The following VASH2 variants were observed in gnomAD, a reference collection of about 807,000 sequenced individuals.
VASH2 encodes the protein tubulinyl-Tyr carboxypeptidase 2.
Under a neutral mutation model 37.2 loss-of-function variants are expected in VASH2, and 28 were observed. The ratio of observed to expected loss-of-function variants is 0.75; its 90% confidence interval spans 0.56 to 1.03. The LOEUF is 1.03. Ranked by LOEUF, VASH2 falls within the 50% of genes least tolerant of loss-of-function variation. The pLI is 0.00. For missense variants in VASH2, 419 were observed against 459.1 expected (o/e 0.91, Z 0.80); for synonymous variants, 188 against 174.7 (o/e 1.08, Z -0.60).
At position 212,972,918 on chromosome 1, in the gene VASH2, T is replaced by C. The variant is rs1381454131; in HGVS notation, c.836T>C (p.Ile279Thr). ...LNVSKMLRAD[I>T]RKELEKYARD... ...GTCTCAAAGATGCTGAGGGCTGACA[T>C]AAGGAAGGAGCTGGAGAAATATGCC... The change falls in exon 6 of 8, where the codon ATA becomes ACA. Residue 279 changes from isoleucine (I) to threonine (T), a missense_variant. Coordinates refer to ENST00000517399, the MANE Select transcript of VASH2 (RefSeq NM_001301056.2). 1.2e-6 allele frequency: 2 copies of C among 1,613,820 alleles called. No homozygotes were observed.
chr1:212,968,471 ATC>A, intron 5 of VASH2: 1 of 985,470 alleles, frequency 1.0e-6, no homozygotes, highest in Non-Finnish European at 1.2e-6. Flanking sequence ...GGGAAGGAGA[ATC>A]TCTGTGCCTC....
chr1:212,986,742 A>AG (rs11407000), intron 7 of VASH2, among the ~76,000 whole-genome samples: 64,726 of 151,826 alleles, frequency 0.43, 14,176 homozygotes, highest in Admixed American at 0.58. Context: ...TACAATGAGC[A>AG]GAGTCTACAC....
At position 212,974,081 on chromosome 1, in the gene VASH2, T is replaced by C. The variant is rs1402749541; in HGVS notation, c.995+11T>C. On this transcript the variant is annotated intron_variant, in intron 7 of 7. Transcript: ENST00000517399. ...CCGGCGAGAGAAGTCGTGAGTAATA[T>C]TTCCTCTTCCCCAACTCAAAGCCCA... 1.2e-6 allele frequency: 2 copies of C among 1,605,950 alleles called. No homozygotes were observed. Among genetic ancestry groups the C allele is most frequent in the South Asian group, 1.1e-5 (1 of 90,042 alleles).
At chr1:212,982,779 C>T (rs1324918769) in intron 7 of VASH2, among the ~76,000 whole-genome samples, 1 of 152,150 alleles carries the variant, frequency 6.6e-6, no homozygotes, top group Non-Finnish European at 1.5e-5. Context: ...AGTATTAGCC[C>T]TTTTCTTCTC....
intron 3 of VASH2, among the ~76,000 whole-genome samples, chr1:212,963,660 G>A (rs573212544): frequency 6.6e-6 from 1 of 152,174 alleles, no homozygotes; most frequent in Non-Finnish European, 1.5e-5. Flanking sequence ...TTCGGGCTCA[G>A]TGAGTATCTC....
chr1:212,966,163 C>T (rs1666835238), intron 4 of VASH2, 108 bp from the exon 5 acceptor site: 1 of 941,970 alleles, frequency 1.1e-6, no homozygotes, highest in East Asian at 2.6e-5. Context: ...TCCCTCCGTG[C>T]TCCTGTGTGG....
rs11586518 is a variant in VASH2 at position 212,971,509 on chromosome 1, G to A, written c.498-1071G>A. On this transcript the variant is annotated intron_variant, in intron 5 of 7. Transcript: ENST00000517399. This position sits in a 1 kb window ranked among gnomAD's most constrained non-coding sequence, Gnocchi z 4.0. Reference sequence around the variant, plus strand: ...ACTCAGGGTAAGTGTTTGTCACACTGACTTAAGCAGCTAAGGAATGCCCTT... The same window carrying A: ...ACTCAGGGTAAGTGTTTGTCACACTAACTTAAGCAGCTAAGGAATGCCCTT... Among the ~76,000 whole-genome samples, 54,806 of 152,112 alleles carry A rather than the reference G, an allele frequency of 0.36. 11,539 individuals carry two copies. Among genetic ancestry groups the A allele is most frequent in the East Asian group, 0.48 (2,505 of 5,174 alleles).
At chr1:212,987,588 AAAAC>A (rs1396089253) in intron 7 of VASH2, among the ~76,000 whole-genome samples, 3 of 152,322 alleles carry the variant, frequency 2.0e-5, no homozygotes, top group African/African-American at 7.2e-5. Context: ...AACAAAAACA[AAAAC>A]AAAACAAAAA....
At chr1:212,976,031 A>G (rs367982072) in intron 7 of VASH2, among the ~76,000 whole-genome samples, 2 of 151,852 alleles carry the variant, frequency 1.3e-5, no homozygotes, top group African/African-American at 2.4e-5. Flanking sequence ...AGGGGATGGT[A>G]AAGATCTTAG....
In VASH2 at chr1:212,951,617, C is replaced by T; in HGVS notation, c.75C>T (p.Ser25=). 1.3e-6 allele frequency: 2 copies of T among 1,562,500 alleles called. No individual in the cohort carries two copies. The highest frequency in any genetic ancestry group is 1.2e-5 in the South Asian group (1 of 84,912). Residue 25 remains serine (S), a synonymous_variant, in exon 2 of 8, where the codon AGC becomes AGT. Coordinates refer to ENST00000517399, the MANE Select transcript of VASH2 (RefSeq NM_001301056.2). This position sits in a 1 kb window ranked among gnomAD's most constrained non-coding sequence, Gnocchi z 4.4. ...KGAKGTRSRS[S]HARPVSLATS... is the part of the protein sequence containing the mutation. ...CCAAAGGCACCCGGTCCCGGAGCAG[C>T]CACGCGCGGCCCGTGAGCCTCGCCA...
In VASH2 at chr1:212,974,057, C is replaced by G; in HGVS notation, c.982C>G (p.Arg328Gly). 6.2e-7 allele frequency: 1 copy of G among 1,612,666 alleles called. No homozygotes were observed. Among genetic ancestry groups the G allele is most frequent in the Non-Finnish European group, 8.5e-7 (1 of 1,179,256 alleles). Residue 328 changes from arginine (R) to glycine (G), a missense_variant, in exon 7 of 8, where the codon CGG becomes GGG. This residue lies in a region of VASH2 where 177 missense variants were observed against 166.2 expected (regional missense o/e 1.06). Transcript: ENST00000517399. ...RQASPPRRLG[R>G]REKSPALPEK... ...GGCAAGCCCCCCGAGGAGGCTCGGC[C>G]GGCGAGAGAAGTCGTGAGTAATATT...
intron 7 of VASH2, among the ~76,000 whole-genome samples, chr1:212,988,095 G>A (rs1158842996): frequency 1.3e-5 from 2 of 152,086 alleles, no homozygotes; most frequent in Admixed American, 6.5e-5. Flanking sequence ...TTGATTCCTG[G>A]GCTTCCTCCA....
Position 212,990,935 on chromosome 1 carries a change from C to T in VASH2, c.*2351C>T, listed in dbSNP as rs2075852747. On this transcript the variant is annotated 3_prime_UTR_variant, in exon 8 of 8. Transcript: ENST00000517399. ...ACAAAAAACAAAACAAAACAAAAAA[C>T]ATGTTATATGCACCCCCCTCCCAAA... 1 of 152,028 alleles carries T rather than the reference C, an allele frequency of 6.6e-6. No individual in the cohort carries two copies. The highest frequency in any genetic ancestry group is 6.5e-5 in the Admixed American group (1 of 15,272). The allele number at this position is 152,028 out of a possible 1,614,324, so 9.4% of individuals were successfully genotyped here.
chr1:212,991,084 T>C lies in VASH2; in HGVS notation c.*2500T>C, dbSNP rs1461827432. 2.0e-5 allele frequency: 3 copies of C among 152,258 alleles called. No individual in the cohort carries two copies. The highest frequency in any genetic ancestry group is 4.4e-5 in the Non-Finnish European group (3 of 68,040). 9.4% of individuals were successfully genotyped at this position (152,258 alleles called of 1,614,324 possible). A position where few individuals can be genotyped will look rare whatever the true frequency, so the allele number is the denominator to read the frequency against. On this transcript the variant is annotated 3_prime_UTR_variant, in exon 8 of 8. Transcript: ENST00000517399. Reference sequence around the variant, plus strand: ...ATGTTTAAGCCATCATGGCAATATATGCAAAGTTTAAATGAATGACAGAAA... The same window carrying C: ...ATGTTTAAGCCATCATGGCAATATACGCAAAGTTTAAATGAATGACAGAAA...
chr1:212,988,427 A>C, intron 7 of VASH2, 85 bp from the exon 8 acceptor site: 2 of 1,403,260 alleles, frequency 1.4e-6, no homozygotes, highest in Non-Finnish European at 1.0e-6. Flanking sequence ...GGATTAGGAA[A>C]ACCGAGTAGA....
chr1:212,979,062 TAAG>T (rs57058624), intron 7 of VASH2, among the ~76,000 whole-genome samples: 80,439 of 151,494 alleles, frequency 0.53, 21,839 homozygotes, highest in Non-Finnish European at 0.6. Flanking sequence ...GACATGAGAA[TAAG>T]AAGAAGAGCT....
chr1:212,974,196 A>T (rs1461268585), intron 7 of VASH2, 126 bp downstream of exon 7: 2 of 1,228,078 alleles, frequency 1.6e-6, no homozygotes, highest in South Asian at 1.7e-5. Context: ...CTCCAAGAGG[A>T]CTGCCCCTCA....
intron 5 of VASH2, 105 bp downstream of exon 5, chr1:212,966,450 A>G (rs1666848301): frequency 4.2e-6 from 4 of 950,484 alleles, no homozygotes; most frequent in Non-Finnish European, 4.9e-6. Context: ...GATGCCCATT[A>G]TCTCCTTTGA....
intron 5 of VASH2, chr1:212,966,826 C>T (rs1666864066): frequency 5.8e-6 from 2 of 343,930 alleles, no homozygotes; most frequent in Non-Finnish European, 1.2e-5. Context: ...CTCCCAGGCT[C>T]AAGTGACCTT....
Sources: allele counts gnomAD v4.1 joint callset (sites outside exome capture counted in the v4.1 genomes callset), GRCh38; gene constraint gnomAD v4.1.1; regional missense constraint gnomAD v4.1.1; non-coding constraint Gnocchi (gnomAD v3.1); transcripts MANE v1.5; gene names NCBI Gene and HGNC (gene_info 2026-07-23, HGNC 2026-07-21).